TMIGD3: variants seen among roughly 807,000 people sequenced by gnomAD.
The protein encoded by TMIGD3 is AD026 protein (AD026).
A neutral mutation model predicts 28.1 loss-of-function variants in TMIGD3; 21 were observed. The observed-to-expected ratio is 0.75, with a 90% CI of 0.53 to 1.08. TMIGD3 has a LOEUF of 1.08. Ranked by LOEUF, TMIGD3 falls within the 50% of genes least tolerant of loss-of-function variation. TMIGD3 has a pLI of 0.00. For missense variants in TMIGD3, 416 were observed against 435.6 expected (o/e 0.96, Z 0.40); for synonymous variants, 151 against 162.1 (o/e 0.93, Z 0.52).
At chr1:111,530,362 AAAT>A in intron 1 of TMIGD3, among the ~76,000 whole-genome samples, 1 of 152,166 alleles carries the variant, frequency 6.6e-6, no homozygotes, top group East Asian at 1.9e-4. Context: ...AGATTTTTTT[AAAT>A]AATAAAAGAT....
chr1:111,515,330 A>G (rs1343098308), intron 1 of TMIGD3, among the ~76,000 whole-genome samples: 1 of 152,116 alleles, frequency 6.6e-6, no homozygotes, highest in East Asian at 1.9e-4. Context: ...CCCACCTACT[A>G]AAAACTGAGC....
rs1170640463 is a variant in TMIGD3 at position 111,534,555 on chromosome 1, C to T, written c.107+29291G>A. ...TAATTGATCAATTTTTATAAGTGTTCTCTCCAAACATGGTTTTCTAGCAGG... is the reference window on the plus strand; with the variant it reads ...TAATTGATCAATTTTTATAAGTGTTTTCTCCAAACATGGTTTTCTAGCAGG... On this transcript the variant is annotated intron_variant, in intron 1 of 5. Coordinates refer to the TMIGD3 transcript ENST00000369717. Among the ~76,000 whole-genome samples the T allele has an allele frequency of 3.3e-5, 5 of 152,292 alleles. No individual in the cohort carries two copies. In the East Asian group the frequency reaches 9.7e-4, roughly 29 times the overall value.
intron 1 of TMIGD3, among the ~76,000 whole-genome samples, chr1:111,526,229 A>T (rs1401703322): frequency 6.6e-6 from 1 of 152,102 alleles, no homozygotes; most frequent in East Asian, 1.9e-4. Flanking sequence ...CTATGTCCTC[A>T]CCCAAATCTC....
chr1:111,507,399 C>T (rs1289427503), upstream of TMIGD3, among the ~76,000 whole-genome samples: 1 of 152,174 alleles, frequency 6.6e-6, no homozygotes, highest in Non-Finnish European at 1.5e-5. Flanking sequence ...TGTCCCAAAC[C>T]CTGGCCTGGG....
At chr1:111,540,674 A>T (rs1305577548) in intron 1 of TMIGD3, among the ~76,000 whole-genome samples, 1 of 152,190 alleles carries the variant, frequency 6.6e-6, no homozygotes, top group African/African-American at 2.4e-5. Flanking sequence ...CAACAGCCTC[A>T]CAGAGACTGG....
chr1:111,519,063 C>T (rs886991682), intron 1 of TMIGD3, among the ~76,000 whole-genome samples: 1 of 152,144 alleles, frequency 6.6e-6, no homozygotes, highest in Non-Finnish European at 1.5e-5. Flanking sequence ...CTCATCCTCC[C>T]AAGTAGCTTG....
intron 1 of TMIGD3, among the ~76,000 whole-genome samples, chr1:111,518,409 G>A (rs1226339913): frequency 6.6e-6 from 1 of 152,230 alleles, no homozygotes; most frequent in Non-Finnish European, 1.5e-5. Flanking sequence ...AATGTGCACT[G>A]TAGGATGTTT....
rs188383632 is a variant in TMIGD3, at chr1:111,528,677, T to C, written c.107+35169A>G. 5.4e-3 allele frequency among the ~76,000 whole-genome samples: 818 copies of C among 152,294 alleles called. 11 individuals carry two copies. Among genetic ancestry groups the C allele is most frequent in the African/African-American group, 0.018 (749 of 41,568 alleles). ...ATGGAATATCTCTTTATTTATTTGG[T>C]TCTTTTTTATTTTTGATCTGAGTTT... On this transcript the variant is annotated intron_variant, in intron 1 of 5. Transcript: ENST00000369717.
At chr1:111,530,175 A>G (rs1656413228) in intron 1 of TMIGD3, among the ~76,000 whole-genome samples, 1 of 152,224 alleles carries the variant, frequency 6.6e-6, no homozygotes, top group African/African-American at 2.4e-5. Flanking sequence ...TTTTGTAACA[A>G]AAGGTTTATA....
At chr1:111,512,353 C>T (rs961781470) in intron 1 of TMIGD3, among the ~76,000 whole-genome samples, 7 of 152,364 alleles carry the variant, frequency 4.6e-5, no homozygotes, top group Middle Eastern at 3.4e-3. Flanking sequence ...GCATCAGGCC[C>T]GCCCCACTCC....
chr1:111,519,533 G>T (rs1430121432), intron 1 of TMIGD3, among the ~76,000 whole-genome samples: 2 of 152,144 alleles, frequency 1.3e-5, no homozygotes, highest in African/African-American at 2.4e-5. Context: ...CACAGCCTGT[G>T]ACACGGAGAG....
intron 1 of TMIGD3, among the ~76,000 whole-genome samples, chr1:111,560,226 G>A (rs1479293915): frequency 1.3e-5 from 2 of 152,082 alleles, no homozygotes; most frequent in African/African-American, 4.8e-5. Context: ...GCCCAACCTC[G>A]TCTTACAATC....
chr1:111,483,576 T>A lies in TMIGD3; in HGVS notation c.*111A>T, dbSNP rs9025. On this transcript the variant is annotated 3_prime_UTR_variant, in exon 6 of 6. Coordinates refer to ENST00000369716, the MANE Select transcript of TMIGD3 (RefSeq NM_020683.7). ...AATGATTGTTGTCAAGGATAGAGGG[T>A]CCTTCAGAATTCCTGGGAGATCAGA... The A allele has an allele frequency of 0.17, 149,666 of 901,008 alleles. 14,148 individuals carry two copies. Among genetic ancestry groups the A allele is most frequent in the Middle Eastern group, 0.27 (1,015 of 3,720 alleles). 55.8% of individuals were successfully genotyped at this position (901,008 alleles called of 1,614,324 possible).
intron 1 of TMIGD3, among the ~76,000 whole-genome samples, chr1:111,499,202 A>T (rs1407368016): frequency 6.6e-6 from 1 of 152,228 alleles, no homozygotes; most frequent in Non-Finnish European, 1.5e-5. Context: ...TGAGAATGAA[A>T]CACCAGGGGA....
At chr1:111,554,257 G>A (rs1413496000) in intron 1 of TMIGD3, among the ~76,000 whole-genome samples, 11 of 152,172 alleles carry the variant, frequency 7.2e-5, no homozygotes, top group Non-Finnish European at 5.9e-5. Flanking sequence ...CCGGAGTTTA[G>A]AACTGTAAGA....
At chr1:111,499,269 C>T (rs565028923) in intron 1 of TMIGD3, among the ~76,000 whole-genome samples, 2 of 152,188 alleles carry the variant, frequency 1.3e-5, no homozygotes, top group South Asian at 2.1e-4. Flanking sequence ...CTGACAAATG[C>T]TCTGATGAAC....
At chr1:111,507,373 G>T (rs926480281), upstream of TMIGD3, among the ~76,000 whole-genome samples, 3 of 152,196 alleles carry the variant, frequency 2.0e-5, no homozygotes, top group African/African-American at 7.2e-5. Flanking sequence ...AGTGACTGGA[G>T]GGGAAAGGCC....
intron 2 of TMIGD3, 79 bp downstream of exon 2, chr1:111,490,577 A>G: frequency 9.5e-7 from 1 of 1,053,354 alleles, no homozygotes. Flanking sequence ...AAGGACTCCA[A>G]GTAGGTGAGG....
At chr1:111,529,804 A>G (rs1418499479) in intron 1 of TMIGD3, among the ~76,000 whole-genome samples, 5 of 151,916 alleles carry the variant, frequency 3.3e-5, no homozygotes, top group African/African-American at 9.7e-5. Flanking sequence ...TGATTTCTCA[A>G]TCTTTTCCCC....
Sources: gnomAD v4.1 joint callset for allele counts (sites outside exome capture counted in the v4.1 genomes callset) on GRCh38, gnomAD v4.1.1 for gene constraint, MANE v1.5 for transcripts, NCBI Gene and HGNC (gene_info 2026-07-23, HGNC 2026-07-21) for gene names.